The following GLRA2 variants were observed in gnomAD, a reference collection of about 807,000 sequenced individuals.
The protein encoded by GLRA2 is glycine receptor alpha 2.
In GLRA2, 11 loss-of-function variants were observed where a neutral mutation model predicts 31.6. The ratio of observed to expected loss-of-function variants is 0.35; its 90% CI spans 0.22 to 0.58. The LOEUF (loss-of-function observed/expected upper bound fraction) is 0.58, where lower values mean the gene tolerates loss of function less well. Among genes scored for constraint, GLRA2 ranks in the 20% least tolerant of loss-of-function variants. The pLI, the probability that GLRA2 is intolerant of heterozygous loss-of-function variation, is 0.84. For missense variants in GLRA2, 212 were observed against 351.8 expected (o/e 0.60, Z 3.18); for synonymous variants, 132 against 134.0 (o/e 0.99, Z 0.10).
the GLRA2 span, among the ~76,000 whole-genome samples, chrX:14,489,347 G>A: frequency 9.0e-6 from 1 of 111,257 alleles, no homozygotes; most frequent in South Asian, 3.7e-4. Flanking sequence ...GCAGAATTGG[G>A]CCATCTCCTA....
At chrX:14,541,946 AC>A (rs1171549768) in intron 2 of GLRA2, among the ~76,000 whole-genome samples, 1 of 111,450 alleles carries the variant, frequency 9.0e-6, no homozygotes, top group Non-Finnish European at 1.9e-5. Context: ...TTTTCAGAAG[AC>A]CTGATTCAAA....
At position 14,534,073 on chromosome X, in the gene GLRA2, C is replaced by T. The variant is rs748920100; in HGVS notation, c.202+1701C>T. Among the ~76,000 whole-genome samples, 3 of 110,720 alleles carry T rather than the reference C, an allele frequency of 2.7e-5. No homozygotes were observed. The Admixed American group carries it at 2.9e-4, about 11-fold the overall frequency. Reference sequence around the variant, plus strand: ...TGTTGACATTGCTACTTTAAGTGACCACACAAGAATGAGCCATCATTTCCA... The same window carrying T: ...TGTTGACATTGCTACTTTAAGTGACTACACAAGAATGAGCCATCATTTCCA... On this transcript the variant is annotated intron_variant, in intron 2 of 8. Transcript: ENST00000218075.
intron 2 of GLRA2, among the ~76,000 whole-genome samples, chrX:14,570,571 A>C (rs1330582982): frequency 9.0e-6 from 1 of 110,977 alleles, no homozygotes. Flanking sequence ...TTTCCAACAA[A>C]CTCCTAGGTG....
At chrX:14,667,961 G>A (rs1233522786) in intron 7 of GLRA2, among the ~76,000 whole-genome samples, 1 of 111,915 alleles carries the variant, frequency 8.9e-6, no homozygotes, top group Non-Finnish European at 1.9e-5. Flanking sequence ...AGGAATCCAG[G>A]CACAACTCAG....
At chrX:14,544,561 G>T (rs1208118785) in intron 2 of GLRA2, among the ~76,000 whole-genome samples, 8 of 111,169 alleles carry the variant, frequency 7.2e-5, no homozygotes, top group Non-Finnish European at 1.5e-4. Flanking sequence ...ATTTAAAATT[G>T]AAATTATGCA....
At chrX:14,708,029 A>G (rs1440138357) in intron 8 of GLRA2, among the ~76,000 whole-genome samples, 1 of 108,448 alleles carries the variant, frequency 9.2e-6, no homozygotes, top group Non-Finnish European at 1.9e-5. Flanking sequence ...TCATGAGAAC[A>G]CTAAAGATCT....
At chrX:14,659,173 A>G (rs2090968550) in intron 7 of GLRA2, among the ~76,000 whole-genome samples, 1 of 112,309 alleles carries the variant, frequency 8.9e-6, no homozygotes, top group Non-Finnish European at 1.9e-5. Flanking sequence ...TCATTTACAT[A>G]CATCTATGGC....
At chrX:14,478,554 TCTA>T in the GLRA2 span, among the ~76,000 whole-genome samples, 3 of 112,128 alleles carry the variant, frequency 2.7e-5, no homozygotes, top group African/African-American at 6.5e-5. Flanking sequence ...TTTACCTTCT[TCTA>T]GTCATCTGAC....
At chrX:14,621,272 C>G (rs896453976) in intron 7 of GLRA2, among the ~76,000 whole-genome samples, 62 of 111,216 alleles carry the variant, frequency 5.6e-4, no homozygotes, top group African/African-American at 1.9e-3. Context: ...ACAGGTTTCC[C>G]AGACCCTACC....
the GLRA2 span, among the ~76,000 whole-genome samples, chrX:14,479,295 T>C: frequency 8.9e-6 from 1 of 112,276 alleles, no homozygotes; most frequent in African/African-American, 3.2e-5. Context: ...CTTCTTTAAT[T>C]GAGTCAGATT....
the GLRA2 span, among the ~76,000 whole-genome samples, chrX:14,500,134 A>T: frequency 8.9e-6 from 1 of 112,147 alleles, no homozygotes; most frequent in Non-Finnish European, 1.9e-5. Context: ...CCAGACTACC[A>T]TCCAAAGCCC....
intron 8 of GLRA2, among the ~76,000 whole-genome samples, chrX:14,699,259 T>G (rs745402214): frequency 1.8e-5 from 2 of 112,206 alleles, no homozygotes; most frequent in South Asian, 7.4e-4. Context: ...CCCACTTTCA[T>G]TTTATATCTG....
intron 7 of GLRA2, among the ~76,000 whole-genome samples, chrX:14,652,438 G>T (rs1285032863): frequency 9.0e-6 from 1 of 111,340 alleles, no homozygotes; most frequent in African/African-American, 3.3e-5. Flanking sequence ...CACAGCTATT[G>T]CATTTTCTAC....
intron 8 of GLRA2, among the ~76,000 whole-genome samples, chrX:14,691,362 C>T (rs2091358665): frequency 9.5e-6 from 1 of 105,397 alleles, no homozygotes; most frequent in Non-Finnish European, 1.9e-5. Flanking sequence ...ATCTGATTGA[C>T]TTTTTTTCAT....
chrX:14,499,495 T>C, the GLRA2 span, among the ~76,000 whole-genome samples: 1 of 111,444 alleles, frequency 9.0e-6, no homozygotes, highest in Non-Finnish European at 1.9e-5. Context: ...AAAGAAAATG[T>C]GGTACATATA....
chrX:14,544,456 G>A (rs1412727404), intron 2 of GLRA2, among the ~76,000 whole-genome samples: 2 of 111,453 alleles, frequency 1.8e-5, no homozygotes, highest in Non-Finnish European at 3.8e-5. Flanking sequence ...GGTAAATCTT[G>A]TAGTTGTGCA....
chrX:14,523,761 T>A, the GLRA2 span, among the ~76,000 whole-genome samples: 1 of 111,698 alleles, frequency 9.0e-6, no homozygotes, highest in Admixed American at 9.5e-5. Flanking sequence ...CGATTAAGTT[T>A]GCCATCCTAT....
chrX:14,547,035 T>C (rs1173231388), intron 2 of GLRA2, among the ~76,000 whole-genome samples: 1 of 111,432 alleles, frequency 9.0e-6, no homozygotes, highest in Non-Finnish European at 1.9e-5. Context: ...AAAGTATCCA[T>C]CAGTGACATC....
At chrX:14,555,306 A>G (rs772672724) in intron 2 of GLRA2, among the ~76,000 whole-genome samples, 6 of 112,322 alleles carry the variant, frequency 5.3e-5, no homozygotes, top group South Asian at 3.7e-4. Flanking sequence ...AGTTCTCCCA[A>G]TGAACTTGAG....
Sources: allele counts gnomAD v4.1 joint callset (sites outside exome capture counted in the v4.1 genomes callset), GRCh38; gene constraint gnomAD v4.1.1; transcripts MANE v1.5; gene names NCBI Gene and HGNC (gene_info 2026-07-23, HGNC 2026-07-21).